The following TOM1L2 variants were observed in gnomAD, a reference collection of about 807,000 sequenced individuals.
TOM1L2 encodes target of myb1 like 2 membrane trafficking protein, also known as TOM1-like protein 2.
A neutral mutation model predicts 67.9 loss-of-function variants in TOM1L2; 31 were observed. The ratio of observed to expected loss-of-function variants is 0.46; its 90% CI spans 0.34 to 0.62. TOM1L2 has a LOEUF of 0.62. TOM1L2 is among the 20% of genes least tolerant of loss of function. The probability of loss-of-function intolerance (pLI) is 0.01; values close to 1 mark genes in which losing one functional copy is unlikely to be tolerated. For missense variants in TOM1L2, 606 were observed against 663.5 expected, an observed-to-expected ratio of 0.91 and a Z score of 0.95; for synonymous variants, 256 against 254.0, an observed-to-expected ratio of 1.01 and a Z score of -0.07.
At chr17:17,950,311 T>C (rs2041144871) in intron 1 of TOM1L2, among the ~76,000 whole-genome samples, 1 of 152,154 alleles carries the variant, frequency 6.6e-6, no homozygotes, top group African/African-American at 2.4e-5. Context: ...AATGCACCAC[T>C]ATACCCGGCT....
intron 6 of TOM1L2, among the ~76,000 whole-genome samples, chr17:17,881,049 C>G (rs2037696175): frequency 6.6e-6 from 1 of 152,158 alleles, no homozygotes; most frequent in Admixed American, 6.5e-5. Context: ...CTCAGCAGAC[C>G]TTTAGCTTCT....
chr17:17,930,682 G>A (rs2040294747), intron 1 of TOM1L2, among the ~76,000 whole-genome samples: 1 of 152,140 alleles, frequency 6.6e-6, no homozygotes, highest in African/African-American at 2.4e-5. Context: ...AAGGAATTTA[G>A]GGTAATTTTA....
chr17:17,860,145 T>C (rs544130021), intron 12 of TOM1L2: 2 of 152,432 alleles, frequency 1.3e-5, no homozygotes, highest in East Asian at 3.9e-4. Context: ...CTGCTCCCAG[T>C]GCAGGCCAGG....
Position 17,869,390 on chromosome 17 carries a change from C to T in TOM1L2, c.861G>A (p.Glu287=). The T allele has an allele frequency of 1.2e-6, 2 of 1,613,444 alleles. No homozygotes were observed. The highest frequency in any genetic ancestry group is 1.7e-6 in the Non-Finnish European group (2 of 1,180,016). ...SRVSNEEVTE[E]LLHVNDDLNN... Reference sequence around the variant, plus strand: ...TGAGGTCATCGTTCACATGCAGCAGCTCCTCGGTGACCTCCTCATTGGACA... The same window carrying T: ...TGAGGTCATCGTTCACATGCAGCAGTTCCTCGGTGACCTCCTCATTGGACA... Residue 287 remains glutamate (E), a synonymous_variant, in exon 8 of 15, where the codon GAG becomes GAA. Coordinates refer to ENST00000379504, the MANE Select transcript of TOM1L2 (RefSeq NM_001082968.2).
chr17:17,856,789 G>A (rs985364869), intron 12 of TOM1L2, among the ~76,000 whole-genome samples: 3 of 152,208 alleles, frequency 2.0e-5, no homozygotes, highest in African/African-American at 7.2e-5. Flanking sequence ...CCTGAGATGA[G>A]CTGACCCTCT....
rs563344662 is a variant in TOM1L2 at position 17,932,420 on chromosome 17, G to A, written c.53-24889C>T. Among the ~76,000 whole-genome samples the A allele has an allele frequency of 3.1e-4, 47 of 152,190 alleles. 1 individual carries two copies. In the South Asian group the frequency reaches 8.3e-3, roughly 27 times the overall value. On this transcript the variant is annotated intron_variant, in intron 1 of 14. Coordinates refer to ENST00000379504, the MANE Select transcript of TOM1L2 (RefSeq NM_001082968.2). The stretch of plus-strand genomic sequence containing the variant: ...GCTGGGATTACAGGTATGAGTTACC[G>A]TGCCCAGCCCTCTTTTTTAACAAAC...
intron 1 of TOM1L2, among the ~76,000 whole-genome samples, chr17:17,931,219 A>G (rs1233785939): frequency 6.6e-6 from 1 of 151,968 alleles, no homozygotes; most frequent in Non-Finnish European, 1.5e-5. Flanking sequence ...TACCCATCCT[A>G]TCCTCTTTAA....
At chr17:17,898,754 T>C (rs1236586452) in intron 2 of TOM1L2, 80 bp from the exon 3 acceptor site, 2 of 1,369,028 alleles carry the variant, frequency 1.5e-6, no homozygotes, top group African/African-American at 2.8e-5. Context: ...AACTAGTATA[T>C]ATGCAAGACT....
intron 12 of TOM1L2, among the ~76,000 whole-genome samples, chr17:17,852,863 C>CT (rs1468848042): frequency 5.8e-4 from 42 of 72,046 alleles, no homozygotes; most frequent in Non-Finnish European, 7.9e-4. Context: ...GAAACTCTGT[C>CT]TAAAAAAAAA....
At chr17:17,873,991 T>C (rs2037291361) in intron 7 of TOM1L2, among the ~76,000 whole-genome samples, 1 of 152,142 alleles carries the variant, frequency 6.6e-6, no homozygotes, top group African/African-American at 2.4e-5. Context: ...AGTCTCGCTC[T>C]GTCGCCCAGC....
At chr17:17,924,364 T>TA (rs994392940) in intron 1 of TOM1L2, among the ~76,000 whole-genome samples, 63 of 151,992 alleles carry the variant, frequency 4.1e-4, no homozygotes, top group African/African-American at 1.5e-3. Context: ...CAATGTTTTT[T>TA]AAAAAAAACT....
intron 1 of TOM1L2, among the ~76,000 whole-genome samples, chr17:17,950,457 CCTCT>C (rs1242398272): frequency 1.3e-5 from 2 of 151,998 alleles, no homozygotes; most frequent in Admixed American, 1.3e-4. Context: ...CTATGCCTAG[CCTCT>C]CTTTTTTTTT....
chr17:17,861,484 A>T lies in TOM1L2; in HGVS notation c.1270T>A (p.Ser424Thr). Residue 424 changes from serine to threonine, a missense_variant, in exon 12 of 15, where the codon TCA (serine) becomes ACA (threonine). Coordinates refer to ENST00000379504, the MANE Select transcript of TOM1L2 (RefSeq NM_001082968.2). ...CAGGGTTAAAGACCTACCCCTTCTG[A>T]ACTCTGTTTTCGATTGTCTAGTGCA... ...ASALDNRKQS[S>T]EGIPVAQPSV... The T allele has an allele frequency of 6.2e-7, 1 of 1,613,998 alleles. No individual in the cohort carries two copies. The highest frequency in any genetic ancestry group is 8.5e-7 in the Non-Finnish European group (1 of 1,179,966).
At chr17:17,849,072 A>C (rs891676503) in intron 13 of TOM1L2, 2 of 571,064 alleles carry the variant, frequency 3.5e-6, no homozygotes, top group African/African-American at 3.8e-5. Flanking sequence ...AAACAAAAGC[A>C]AAAAATTCAA....
At chr17:17,952,264 G>T (rs1384510249) in intron 1 of TOM1L2, among the ~76,000 whole-genome samples, 1 of 151,404 alleles carries the variant, frequency 6.6e-6, no homozygotes, top group African/African-American at 2.4e-5. Flanking sequence ...TTATACAAAA[G>T]AAACTTCATG....
intron 1 of TOM1L2, among the ~76,000 whole-genome samples, chr17:17,941,098 CA>C: frequency 6.6e-6 from 1 of 152,334 alleles, no homozygotes; most frequent in Middle Eastern, 3.4e-3. Context: ...ACCATTTCTC[CA>C]GTGAACAGGT....
chr17:17,925,962 G>A (rs889704414), intron 1 of TOM1L2, among the ~76,000 whole-genome samples: 6 of 151,798 alleles, frequency 4.0e-5, no homozygotes, highest in Non-Finnish European at 5.9e-5. Flanking sequence ...CTTGAGCCCA[G>A]GAATTCAAAA....
intron 12 of TOM1L2, 97 bp from the exon 13 acceptor site, chr17:17,851,049 A>G (rs1598172228): frequency 1.5e-6 from 2 of 1,365,196 alleles, no homozygotes; most frequent in African/African-American, 1.4e-5. Flanking sequence ...AGCAACCCCA[A>G]ATAAAACCAA....
intron 7 of TOM1L2, among the ~76,000 whole-genome samples, chr17:17,878,760 T>C (rs1316510701): frequency 1.3e-5 from 2 of 152,214 alleles, no homozygotes; most frequent in Non-Finnish European, 2.9e-5. Context: ...TGCCTCCCAT[T>C]GAAAAGTGTG....
Sources: gnomAD v4.1 joint callset for allele counts (sites outside exome capture counted in the v4.1 genomes callset) on GRCh38, gnomAD v4.1.1 for gene constraint, MANE v1.5 for transcripts, NCBI Gene and HGNC (gene_info 2026-07-23, HGNC 2026-07-21) for gene names.